DNAH8: variants seen among roughly 807,000 people sequenced by gnomAD.
DNAH8 encodes the protein dynein axonemal heavy chain 8.
Under a neutral mutation model 562.1 loss-of-function variants are expected in DNAH8, and 382 were observed. The observed-to-expected ratio is 0.68, with a 90% CI of 0.63 to 0.74. The LOEUF (loss-of-function observed/expected upper bound fraction) is 0.74, where lower values mean the gene tolerates loss of function less well. DNAH8 is among the 30% of genes least tolerant of loss of function. DNAH8 has a pLI of 0.00. For missense variants in DNAH8, 5,203 were observed against 5,620.4 expected, an observed-to-expected ratio of 0.93 and a Z score of 2.37; for synonymous variants, 1,881 against 1,919.4, an observed-to-expected ratio of 0.98 and a Z score of 0.52.
intron 25 of DNAH8, 75 bp downstream of exon 25, chr6:38,814,204 A>C (rs994272847): frequency 5.8e-6 from 5 of 865,114 alleles, no homozygotes; most frequent in Non-Finnish European, 9.2e-6. Flanking sequence ...GCTTTCATTT[A>C]GGTAACATTT....
At chr6:38,779,854 T>C in intron 14 of DNAH8, 112 bp from the exon 15 acceptor site, 1 of 1,047,386 alleles carries the variant, frequency 9.5e-7, no homozygotes, top group Non-Finnish European at 1.4e-6. Flanking sequence ...GGACAACGAA[T>C]GAGGGCTGGT....
intron 21 of DNAH8, among the ~76,000 whole-genome samples, chr6:38,795,929 A>C (rs1008833480): frequency 7.2e-5 from 11 of 152,214 alleles, no homozygotes; most frequent in African/African-American, 2.7e-4. Flanking sequence ...GTCTTGGCGC[A>C]TCCAAGGGTG....
rs552302879 is a variant in DNAH8 at position 38,872,054 on chromosome 6, C to G, written c.6991-482C>G. 2.0e-5 allele frequency among the ~76,000 whole-genome samples: 3 copies of G among 152,318 alleles called. No individual in the cohort carries two copies. In the South Asian group the frequency reaches 6.2e-4, roughly 32 times the overall value. ...CTCTTACTGGTTTCTCCTGGGAGCA[C>G]TACCTGAATAAATCACTTGCACAGG... On this transcript the variant is annotated intron_variant, in intron 49 of 92. Transcript: ENST00000327475.
At chr6:38,848,890 C>A in intron 37 of DNAH8, 89 bp downstream of exon 37, 1 of 1,300,350 alleles carries the variant, frequency 7.7e-7, no homozygotes, top group Non-Finnish European at 1.1e-6. Context: ...GACATATGGT[C>A]AAGGCTTGAC....
chr6:38,999,844 A>G (rs1160884024), intron 88 of DNAH8, among the ~76,000 whole-genome samples: 1 of 151,556 alleles, frequency 6.6e-6, no homozygotes, highest in Non-Finnish European at 1.5e-5. Context: ...TATATAATAG[A>G]TATATAATAA....
intron 88 of DNAH8, among the ~76,000 whole-genome samples, chr6:38,997,567 T>A (rs1765220685): frequency 6.6e-6 from 1 of 151,716 alleles, no homozygotes. Context: ...ATGAATGGGG[T>A]GAGAAATATG....
chr6:38,750,933 A>G (rs1406479450), intron 9 of DNAH8, among the ~76,000 whole-genome samples: 1 of 152,230 alleles, frequency 6.6e-6, no homozygotes, highest in African/African-American at 2.4e-5. Flanking sequence ...TAATATTTTA[A>G]CCCATATTTA....
At chr6:38,871,102 T>C (rs1236662588) in intron 49 of DNAH8, among the ~76,000 whole-genome samples, 2 of 152,226 alleles carry the variant, frequency 1.3e-5, no homozygotes, top group Non-Finnish European at 2.9e-5. Flanking sequence ...CAAGAACTTG[T>C]AGCAGAGACA....
chr6:38,845,630 G>A lies in DNAH8; in HGVS notation c.4902G>A (p.Val1634=), dbSNP rs1257893945. Residue 1634 remains valine, a synonymous_variant, in exon 36 of 93, where the codon GTG becomes GTA. Transcript: ENST00000327475. ...EKDIEAKLTQ[V]IENWTNQNLS... The stretch of plus-strand genomic sequence containing the variant: ...ATATCGAAGCCAAGCTGACTCAGGT[G>A]ATTGAGAATTGGACCAACCAAAATC... 2 of 1,613,888 alleles carry A rather than the reference G, an allele frequency of 1.2e-6. No individual in the cohort carries two copies. The highest frequency in any genetic ancestry group is 1.3e-5 in the African/African-American group (1 of 74,920).
chr6:38,948,059 T>G (rs1327933825), intron 80 of DNAH8, among the ~76,000 whole-genome samples: 1 of 151,900 alleles, frequency 6.6e-6, no homozygotes, highest in African/African-American at 2.4e-5. Context: ...GAAATCCCCT[T>G]CATCTTTTAG....
intron 41 of DNAH8, among the ~76,000 whole-genome samples, chr6:38,854,309 T>A (rs1296840992): frequency 6.6e-6 from 1 of 152,082 alleles, no homozygotes; most frequent in East Asian, 1.9e-4. Context: ...AAAGTGATGA[T>A]TTGTGATCTG....
Position 38,874,184 on chromosome 6 carries a change from CTCTCTCTTTCTT to C in DNAH8, c.7620+824_7620+835del, listed in dbSNP as rs926013495. Among the ~76,000 whole-genome samples the C allele has an allele frequency of 1.1e-4, 12 of 106,726 alleles. 1 individual carries two copies. Among genetic ancestry groups the C allele is most frequent in the South Asian group, 3.8e-4 (1 of 2,654 alleles). The allele number at this position is 106,726 out of a possible 152,430, so 70.0% of individuals were successfully genotyped here. A position where few individuals can be genotyped will look rare whatever the true frequency, so the allele number is the denominator to read the frequency against. On this transcript the variant is annotated intron_variant, in intron 52 of 92. Transcript: ENST00000327475. ...CCTCCTTCTCTCTTTCTTTCTTTCT[CTCTCTCTTTCTT>C]TCTCTCTTTCTTTCTTTCTCTCTCG...
chr6:38,824,997 C>T (rs1583107079), intron 28 of DNAH8, among the ~76,000 whole-genome samples: 1 of 152,246 alleles, frequency 6.6e-6, no homozygotes, highest in African/African-American at 2.4e-5. Context: ...TTTGTCTCCT[C>T]ATAATGGTTA....
At chr6:38,854,010 C>CTG (rs138297793) in intron 41 of DNAH8, among the ~76,000 whole-genome samples, 1,837 of 149,878 alleles carry the variant, frequency 0.012, 96 homozygotes, top group East Asian at 0.11. Flanking sequence ...TGGGGACCAT[C>CTG]TGTGTGTAAG....
intron 16 of DNAH8, among the ~76,000 whole-genome samples, chr6:38,782,611 T>C (rs1316066885): frequency 6.6e-6 from 1 of 152,212 alleles, no homozygotes; most frequent in Non-Finnish European, 1.5e-5. Flanking sequence ...GTTTGATACA[T>C]GGTTACCTTT....
In DNAH8 at chr6:38,814,038, G is replaced by A. The variant is rs1457410884; in HGVS notation, c.3258-16G>A. 4.5e-6 allele frequency: 7 copies of A among 1,547,102 alleles called. No homozygotes were observed. Among genetic ancestry groups the A allele is most frequent in the Non-Finnish European group, 3.6e-6 (4 of 1,123,192 alleles). On this transcript the variant is annotated splice_polypyrimidine_tract_variant and intron_variant, in intron 24 of 92. Coordinates refer to ENST00000327475, the MANE Select transcript of DNAH8 (RefSeq NM_001206927.2). ...TTAGGGTAAGGTTCATCAGCTAAATGTCCATCTCATTGCAGCCTTTATGGG... is the reference window on the plus strand; with the variant it reads ...TTAGGGTAAGGTTCATCAGCTAAATATCCATCTCATTGCAGCCTTTATGGG...
intron 63 of DNAH8, among the ~76,000 whole-genome samples, chr6:38,907,507 T>C (rs1272483399): frequency 3.3e-5 from 5 of 152,206 alleles, no homozygotes; most frequent in South Asian, 2.1e-4. Context: ...CCAAGTTCCC[T>C]GATAACAGAC....
chr6:39,002,187 G>A (rs1356807237), intron 88 of DNAH8, among the ~76,000 whole-genome samples: 1 of 152,196 alleles, frequency 6.6e-6, no homozygotes, highest in Non-Finnish European at 1.5e-5. Context: ...GAGGTTCAAT[G>A]TTACCCAGGC....
intron 52 of DNAH8, among the ~76,000 whole-genome samples, chr6:38,873,925 T>G (rs1053610578): frequency 6.6e-6 from 1 of 151,946 alleles, no homozygotes; most frequent in Admixed American, 6.5e-5. Flanking sequence ...CTTTGGAAAT[T>G]TAGCATATAA....
Sources: gnomAD v4.1 joint callset for allele counts (sites outside exome capture counted in the v4.1 genomes callset) on GRCh38, gnomAD v4.1.1 for gene constraint, MANE v1.5 for transcripts, NCBI Gene and HGNC (gene_info 2026-07-23, HGNC 2026-07-21) for gene names.